CACNA2D1: variants seen among roughly 807,000 people sequenced by gnomAD.
CACNA2D1 encodes the protein calcium voltage-gated channel auxiliary subunit alpha2delta 1, also known as voltage-dependent calcium channel subunit alpha-2/delta-1.
A neutral mutation model predicts 171.5 loss-of-function variants in CACNA2D1; 53 were observed. The observed-to-expected ratio is 0.31, with a 90% CI of 0.25 to 0.39. The LOEUF is 0.39. Among genes scored for constraint, CACNA2D1 ranks in the 10% least tolerant of loss-of-function variants. The pLI is 1.00. For synonymous variants in CACNA2D1, 442 were observed against 443.1 expected (o/e 1.00, Z 0.03); for missense variants, 903 against 1,299.8 (o/e 0.69, Z 4.69).
intron 3 of CACNA2D1, among the ~76,000 whole-genome samples, chr7:82,229,340 C>G (rs1451052715): frequency 6.6e-6 from 1 of 152,092 alleles, no homozygotes; most frequent in Non-Finnish European, 1.5e-5. Flanking sequence ...CACTTGATTT[C>G]TACTCTAATG....
At chr7:82,233,579 T>A (rs1372748884) in intron 3 of CACNA2D1, among the ~76,000 whole-genome samples, 2 of 152,126 alleles carry the variant, frequency 1.3e-5, no homozygotes, top group Non-Finnish European at 2.9e-5. Context: ...TCCCATGAGA[T>A]CAAGTGAAGT....
At chr7:81,959,967 T>C (rs1052147925) in intron 36 of CACNA2D1, 138 bp from the exon 37 acceptor site, 4 of 1,342,154 alleles carry the variant, frequency 3.0e-6, no homozygotes, top group African/African-American at 1.5e-5. Context: ...ACAATAGGAG[T>C]ATGATTTTAG....
intron 4 of CACNA2D1, among the ~76,000 whole-genome samples, chr7:82,163,311 T>G (rs571244512): frequency 1.3e-5 from 2 of 152,034 alleles, no homozygotes; most frequent in Non-Finnish European, 2.9e-5. Context: ...AAAAACAACT[T>G]TTTGGAGACA....
intron 4 of CACNA2D1, among the ~76,000 whole-genome samples, chr7:82,166,905 T>C (rs1317336259): frequency 6.6e-6 from 1 of 152,106 alleles, no homozygotes; most frequent in African/African-American, 2.4e-5. Flanking sequence ...TCCTTTGTTG[T>C]TGCCAGCATA....
At chr7:82,355,619 C>T (rs1820331221) in intron 1 of CACNA2D1, among the ~76,000 whole-genome samples, 1 of 152,072 alleles carries the variant, frequency 6.6e-6, no homozygotes, top group African/African-American at 2.4e-5. Context: ...GTGTTCATCA[C>T]TGCTCCACTG....
chr7:82,278,510 A>C (rs1809649516), intron 3 of CACNA2D1, among the ~76,000 whole-genome samples: 1 of 150,514 alleles, frequency 6.6e-6, no homozygotes, highest in African/African-American at 2.4e-5. Context: ...GTCAGCCAAG[A>C]TCATACCACT....
chr7:82,132,866 A>G (rs1170024689), intron 5 of CACNA2D1, among the ~76,000 whole-genome samples: 1 of 152,206 alleles, frequency 6.6e-6, no homozygotes, highest in Non-Finnish European at 1.5e-5. Context: ...ATTATGTTCT[A>G]AAGCACTCTG....
At chr7:82,311,501 G>A (rs1814461721) in intron 3 of CACNA2D1, among the ~76,000 whole-genome samples, 1 of 151,840 alleles carries the variant, frequency 6.6e-6, no homozygotes, top group Non-Finnish European at 1.5e-5. Flanking sequence ...TGTTGATGCT[G>A]TTTACTTTTT....
intron 3 of CACNA2D1, among the ~76,000 whole-genome samples, chr7:82,300,760 T>C (rs1812901002): frequency 2.0e-5 from 3 of 152,064 alleles, no homozygotes; most frequent in South Asian, 4.1e-4. Context: ...CTGTCTTCTA[T>C]AATAAAAATA....
chr7:81,997,040 G>A lies in CACNA2D1; in HGVS notation c.1662+139C>T, dbSNP rs6944326. 280,019 of 665,628 alleles carry A rather than the reference G, an allele frequency of 0.42. 60,436 individuals are homozygous for A. Among genetic ancestry groups the A allele is most frequent in the African/African-American group, 0.58 (32,148 of 55,880 alleles). The allele number at this position is 665,628 out of a possible 1,614,324, so 41.2% of individuals were successfully genotyped here. A position where few individuals can be genotyped will look rare whatever the true frequency, so the allele number is the denominator to read the frequency against. ...AACCTAGGATCTAGAAAATTTTAATGACAAAGAACATTCATCTTTGTGTAT... is the reference window on the plus strand; with the variant it reads ...AACCTAGGATCTAGAAAATTTTAATAACAAAGAACATTCATCTTTGTGTAT... On this transcript the variant is annotated intron_variant, in intron 19 of 38. Transcript: ENST00000356860.
intron 5 of CACNA2D1, among the ~76,000 whole-genome samples, chr7:82,121,420 G>A (rs1196529201): frequency 2.0e-5 from 3 of 152,122 alleles, no homozygotes; most frequent in Non-Finnish European, 4.4e-5. Context: ...CAGAATTGCA[G>A]GTGATGATGC....
intron 7 of CACNA2D1, among the ~76,000 whole-genome samples, chr7:82,078,986 T>C (rs1372159925): frequency 6.6e-6 from 1 of 152,174 alleles, no homozygotes; most frequent in East Asian, 1.9e-4. Flanking sequence ...TATACATCAA[T>C]GAAATTATAA....
At chr7:82,402,726 AAAAAAAG>A (rs1408310591) in intron 1 of CACNA2D1, among the ~76,000 whole-genome samples, 3 of 150,802 alleles carry the variant, frequency 2.0e-5, no homozygotes, top group African/African-American at 7.3e-5. Flanking sequence ...AAAAAAAAAA[AAAAAAAG>A]AAGAAGAAGT....
At chr7:82,194,904 C>T (rs1414565982) in intron 3 of CACNA2D1, among the ~76,000 whole-genome samples, 7 of 151,230 alleles carry the variant, frequency 4.6e-5, no homozygotes, top group Admixed American at 1.3e-4. Flanking sequence ...GAATGGGGGG[C>T]GGGGGAGATA....
intron 3 of CACNA2D1, among the ~76,000 whole-genome samples, chr7:82,278,296 T>A (rs868689268): frequency 6.6e-6 from 1 of 152,034 alleles, no homozygotes; most frequent in Admixed American, 6.6e-5. Flanking sequence ...CACATCTTCC[T>A]GGCTGGGCGC....
chr7:81,973,809 A>G (rs2130490480), intron 25 of CACNA2D1, among the ~76,000 whole-genome samples: 1 of 152,200 alleles, frequency 6.6e-6, no homozygotes, highest in Middle Eastern at 3.4e-3. Flanking sequence ...TTAAAAGCCA[A>G]GAATCCATAA....
At chr7:82,332,986 G>A (rs1239804963) in intron 3 of CACNA2D1, among the ~76,000 whole-genome samples, 2 of 152,164 alleles carry the variant, frequency 1.3e-5, no homozygotes, top group African/African-American at 4.8e-5. Flanking sequence ...GCAATGAAGT[G>A]AGACGCTGTC....
chr7:82,004,870 T>C (rs139498168), intron 18 of CACNA2D1, among the ~76,000 whole-genome samples: 32 of 152,262 alleles, frequency 2.1e-4, no homozygotes, highest in South Asian at 4.1e-4. Context: ...TCGATGGCAT[T>C]TTATCTCTTT....
chr7:82,098,469 T>C (rs1036894006), intron 6 of CACNA2D1, among the ~76,000 whole-genome samples: 1 of 152,222 alleles, frequency 6.6e-6, no homozygotes, highest in African/African-American at 2.4e-5. Context: ...ATGTAAATCA[T>C]GTACCCAGGG....
Sources: allele counts gnomAD v4.1 joint callset (sites outside exome capture counted in the v4.1 genomes callset), GRCh38; gene constraint gnomAD v4.1.1; transcripts MANE v1.5; gene names NCBI Gene and HGNC (gene_info 2026-07-23, HGNC 2026-07-21).